Variants in MBNL2 observed in about 807,000 individuals in gnomAD.
The protein encoded by MBNL2 is muscleblind-like protein 2.
MBNL2 carries 17 observed loss-of-function variants against 41.9 expected under a neutral mutation model. The ratio of observed to expected loss-of-function variants is 0.41; its 90% CI spans 0.28 to 0.61. The LOEUF is 0.61. MBNL2 is among the 20% of genes least tolerant of loss of function. The probability of loss-of-function intolerance (pLI) is 0.35; values close to 1 mark genes in which losing one functional copy is unlikely to be tolerated. For missense variants in MBNL2, 336 were observed against 505.6 expected (o/e 0.66, Z 3.22); for synonymous variants, 195 against 182.9 (o/e 1.07, Z -0.53).
rs1478904355 is a variant in MBNL2 at position 97,224,046 on chromosome 13, ATCT to A, written c.-605+1520_-605+1522del. On this transcript the variant is annotated intron_variant, in intron 1 of 8. Coordinates refer to ENST00000679496, the MANE Select transcript of MBNL2 (RefSeq NM_001382683.1). Reference sequence around the variant, plus strand: ...AAACCTGTCCCCTCATAAATAGGGCATCTTCTTGTACCTGCCACATGTCGGGCC... The same window carrying A: ...AAACCTGTCCCCTCATAAATAGGGCATCTTGTACCTGCCACATGTCGGGCC... 2.0e-5 allele frequency among the ~76,000 whole-genome samples: 3 copies of A among 152,316 alleles called. 1 individual carries two copies. The highest frequency in any genetic ancestry group is 7.2e-5 in the African/African-American group (3 of 41,576).
At chr13:97,328,249 T>A (rs1008340474) in intron 2 of MBNL2, among the ~76,000 whole-genome samples, 5 of 141,302 alleles carry the variant, frequency 3.5e-5, no homozygotes, top group African/African-American at 1.3e-4. Flanking sequence ...GAAATGTAAC[T>A]CCAGAGCAAG....
At chr13:97,256,332 A>G (rs2047515717) in intron 1 of MBNL2, among the ~76,000 whole-genome samples, 1 of 150,852 alleles carries the variant, frequency 6.6e-6, no homozygotes, top group East Asian at 1.9e-4. Context: ...CCAGCTTGGG[A>G]CATGGATTTT....
the MBNL2 span, among the ~76,000 whole-genome samples, chr13:97,144,780 C>T: frequency 1.3e-5 from 2 of 151,968 alleles, no homozygotes; most frequent in African/African-American, 2.4e-5. Flanking sequence ...CACATGACGG[C>T]GGAGGATGAG....
chr13:97,374,559 C>T (rs1300049600), intron 8 of MBNL2, among the ~76,000 whole-genome samples: 1 of 150,724 alleles, frequency 6.6e-6, no homozygotes, highest in Non-Finnish European at 1.5e-5. Flanking sequence ...ACGCTCAGCT[C>T]ATTTTTGTAT....
upstream of MBNL2, among the ~76,000 whole-genome samples, chr13:97,217,029 CAT>C (rs975098936): frequency 4.9e-5 from 7 of 144,200 alleles, no homozygotes; most frequent in African/African-American, 1.1e-4. Context: ...ATACATATAA[CAT>C]AATATACACA....
At chr13:97,146,281 G>T in the MBNL2 span, among the ~76,000 whole-genome samples, 1 of 151,882 alleles carries the variant, frequency 6.6e-6, no homozygotes, top group Non-Finnish European at 1.5e-5. Context: ...CATTACAGGC[G>T]TGAGCCATCG....
intron 5 of MBNL2, 70 bp downstream of exon 5, chr13:97,347,137 A>C: frequency 4.2e-6 from 5 of 1,199,312 alleles, no homozygotes; most frequent in Non-Finnish European, 5.6e-6. Context: ...TGGGACTTGG[A>C]TGTTCTTCCA....
intron 8 of MBNL2, among the ~76,000 whole-genome samples, chr13:97,375,653 C>T (rs1026012812): frequency 6.6e-6 from 1 of 152,210 alleles, no homozygotes; most frequent in African/African-American, 2.4e-5. Context: ...GAAGACGTCA[C>T]ATGTTTGGTC....
At chr13:97,213,177 G>A in the MBNL2 span, among the ~76,000 whole-genome samples, 1 of 152,140 alleles carries the variant, frequency 6.6e-6, no homozygotes, top group Non-Finnish European at 1.5e-5. Context: ...AATAAAAGAG[G>A]TTGAGTTGAA....
At chr13:97,175,784 T>G in the MBNL2 span, among the ~76,000 whole-genome samples, 1 of 151,884 alleles carries the variant, frequency 6.6e-6, no homozygotes, top group East Asian at 1.9e-4. Context: ...GGTACTTATT[T>G]TGCTGCAGTT....
the MBNL2 span, among the ~76,000 whole-genome samples, chr13:97,166,786 A>C: frequency 5.4e-5 from 1 of 18,386 alleles, no homozygotes; most frequent in East Asian, 1.3e-3. Flanking sequence ...TTCCCTTGAT[A>C]GATAGATAGA....
chr13:97,146,280 C>T, the MBNL2 span, among the ~76,000 whole-genome samples: 6 of 151,876 alleles, frequency 4.0e-5, no homozygotes, highest in African/African-American at 1.2e-4. Context: ...GCATTACAGG[C>T]GTGAGCCATC....
chr13:97,299,682 A>ATCTG (rs1227765904), intron 2 of MBNL2, among the ~76,000 whole-genome samples: 5 of 151,640 alleles, frequency 3.3e-5, no homozygotes, highest in Admixed American at 2.0e-4. Flanking sequence ...CTATCTATCT[A>ATCTG]TCTATCATCT....
the MBNL2 span, among the ~76,000 whole-genome samples, chr13:97,211,493 A>G: frequency 6.6e-6 from 1 of 152,218 alleles, no homozygotes; most frequent in South Asian, 2.1e-4. Flanking sequence ...TGACTCAGTG[A>G]ATATTTAAGT....
At chr13:97,245,805 A>G (rs1566363835) in intron 1 of MBNL2, among the ~76,000 whole-genome samples, 1 of 152,218 alleles carries the variant, frequency 6.6e-6, no homozygotes, top group Non-Finnish European at 1.5e-5. Context: ...TTTTGAAAGA[A>G]AATACTTAGT....
chr13:97,318,487 C>T (rs777570020), intron 2 of MBNL2, among the ~76,000 whole-genome samples: 12 of 152,142 alleles, frequency 7.9e-5, no homozygotes, highest in South Asian at 2.1e-4. Flanking sequence ...TGAAACAGCA[C>T]GGTGTCTAGC....
intron 2 of MBNL2, among the ~76,000 whole-genome samples, chr13:97,288,566 G>A (rs933147521): frequency 4.6e-5 from 7 of 152,166 alleles, no homozygotes; most frequent in African/African-American, 1.2e-4. Flanking sequence ...AAAGGCCAGC[G>A]GGCATGCCCC....
At chr13:97,264,230 T>A (rs1379795175) in intron 1 of MBNL2, among the ~76,000 whole-genome samples, 1 of 151,886 alleles carries the variant, frequency 6.6e-6, no homozygotes, top group African/African-American at 2.4e-5. Context: ...AGTTTCACCG[T>A]GTTAGCCAGG....
intron 8 of MBNL2, among the ~76,000 whole-genome samples, chr13:97,389,820 G>A (rs2066255561): frequency 6.6e-6 from 1 of 151,914 alleles, no homozygotes; most frequent in African/African-American, 2.4e-5. Context: ...ATGATTTGAT[G>A]GACTAGGGTG....
Sources: gnomAD v4.1 joint callset for allele counts (sites outside exome capture counted in the v4.1 genomes callset) on GRCh38, gnomAD v4.1.1 for gene constraint, MANE v1.5 for transcripts, NCBI Gene and HGNC (gene_info 2026-07-23, HGNC 2026-07-21) for gene names.